Variants in CACNA1I observed in about 807,000 individuals in gnomAD.
CACNA1I encodes the protein voltage-dependent T-type calcium channel subunit alpha-1I.
In CACNA1I, 74 loss-of-function variants were observed where a neutral mutation model predicts 201.6. The observed-to-expected ratio is 0.37, with a 90% CI of 0.30 to 0.45. CACNA1I has a LOEUF of 0.45. CACNA1I is among the 20% of genes least tolerant of loss of function. The pLI, the probability that CACNA1I is intolerant of heterozygous loss-of-function variation, is 1.00. For synonymous variants in CACNA1I, 1,431 were observed against 1,345.2 expected (o/e 1.06, Z -1.40); for missense variants, 2,346 against 3,138.1 (o/e 0.75, Z 6.03).
Position 39,664,111 on chromosome 22 carries a change from G to A in CACNA1I, c.3618G>A (p.Val1206=). ...AGSTERIFLT[V]SNYIFTAIFV... ...TTCAGGAACGCATCTTTCTCACCGT[G>A]TCCAACTACATCTTCACGGCCATCT... Residue 1206 remains valine (V), a synonymous_variant, in exon 20 of 37, where the codon GTG becomes GTA. Transcript: ENST00000402142. 2 of 1,613,782 alleles carry A rather than the reference G, an allele frequency of 1.2e-6. No individual in the cohort carries two copies. The highest frequency in any genetic ancestry group is 2.7e-5 in the African/African-American group (2 of 75,054).
chr22:39,619,412 G>T lies in CACNA1I; in HGVS notation c.580+5G>T. 6.2e-7 allele frequency: 1 copy of T among 1,602,374 alleles called. No individual in the cohort carries two copies. ...AAGCCATCAACCGCGTGCCCAGTGAGTCAGCCCCGCCCTGTCCACACATTC... is the reference window on the plus strand; with the variant it reads ...AAGCCATCAACCGCGTGCCCAGTGATTCAGCCCCGCCCTGTCCACACATTC... On this transcript the variant is annotated splice_donor_5th_base_variant and intron_variant, in intron 4 of 36. Transcript: ENST00000402142.
At position 39,665,151 on chromosome 22, in the gene CACNA1I, C is replaced by T. The variant is rs1448449520; in HGVS notation, c.3851+228C>T. On this transcript the variant is annotated intron_variant, in intron 21 of 36. Coordinates refer to ENST00000402142, the MANE Select transcript of CACNA1I (RefSeq NM_021096.4). The surrounding 1 kb of genome is among the most constrained non-coding windows in gnomAD (Gnocchi z 5.5). ...GACCCCAGTATTGCTGCCCACTCTG[C>T]GTGTCCCTGAGTGGCTCGTTGCCAT... is the stretch of plus-strand genomic sequence containing the variant. Among the ~76,000 whole-genome samples, 1 of 152,130 alleles carries T rather than the reference C, an allele frequency of 6.6e-6. No individual in the cohort carries two copies. The highest frequency in any genetic ancestry group is 2.4e-5 in the African/African-American group (1 of 41,414).
rs1933990668 is a variant in CACNA1I, at chr22:39,629,455, T to A, written c.581-5110T>A. Among the ~76,000 whole-genome samples, 1 of 151,884 alleles carries A rather than the reference T, an allele frequency of 6.6e-6. No homozygotes were observed. Among genetic ancestry groups the A allele is most frequent in the East Asian group, 1.9e-4 (1 of 5,142 alleles). ...TCCAAAATACCTCCAGAATCCACCA[T>A]GTTCCCCACTCCACTGCCATCATTA... On this transcript the variant is annotated intron_variant, in intron 4 of 36. Coordinates refer to ENST00000402142, the MANE Select transcript of CACNA1I (RefSeq NM_021096.4). The surrounding 1 kb of genome is among the most constrained non-coding windows in gnomAD (Gnocchi z 4.8).
At chr22:39,621,992 G>T (rs1387735129) in intron 4 of CACNA1I, among the ~76,000 whole-genome samples, 1 of 152,222 alleles carries the variant, frequency 6.6e-6, no homozygotes, top group Non-Finnish European at 1.5e-5. Context: ...AGAGAGGGTC[G>T]TGGCTAGTCC....
In CACNA1I at chr22:39,600,515, T is replaced by A; in HGVS notation, c.349-5T>A. 1 of 1,611,086 alleles carries A rather than the reference T, an allele frequency of 6.2e-7. No homozygotes were observed. The highest frequency in any genetic ancestry group is 1.1e-5 in the South Asian group (1 of 90,434). ...TCCCTTGCTTCCCTCCTCCTGCCCC[T>A]GCAGGTCTTTGATGACTTCATCTTT... On this transcript the variant is annotated splice_region_variant and splice_polypyrimidine_tract_variant and intron_variant, in intron 2 of 36. Coordinates refer to ENST00000402142, the MANE Select transcript of CACNA1I (RefSeq NM_021096.4).
chr22:39,662,718 C>T (rs1163560297), intron 17 of CACNA1I, 58 bp from the exon 18 acceptor site: 9 of 1,267,818 alleles, frequency 7.1e-6, no homozygotes, highest in Non-Finnish European at 9.0e-6. Flanking sequence ...GCCGCATGGG[C>T]GGAGACCGGC....
Position 39,686,147 on chromosome 22 carries a change from G to T in CACNA1I, c.6414G>T (p.Pro2138=). The change falls in exon 37 of 37, where the codon CCG becomes CCT. Residue 2138 remains proline (P), a synonymous_variant. Coordinates refer to ENST00000402142, the MANE Select transcript of CACNA1I (RefSeq NM_021096.4). ...TCTCGCTCACCTCCCTCTTCTGCCC[G>T]CCGCCCCCGCCGCCAGCCCCCGGCC... is the stretch of plus-strand genomic sequence containing the variant. The part of the protein sequence containing the change: ...SSLSLTSLFC[P]PPPPPAPGLT... 2 of 1,200,112 alleles carry T rather than the reference G, an allele frequency of 1.7e-6. No individual in the cohort carries two copies. The highest frequency in any genetic ancestry group is 2.1e-6 in the Non-Finnish European group (2 of 966,560). 74.3% of individuals were successfully genotyped at this position (1,200,112 alleles called of 1,614,324 possible).
At chr22:39,642,657 C>A in intron 6 of CACNA1I, 140 bp from the exon 7 acceptor site, 1 of 641,702 alleles carries the variant, frequency 1.6e-6, no homozygotes, top group African/African-American at 1.8e-5. Flanking sequence ...TGTGCCTTGT[C>A]CAGCCCCTGT....
At chr22:39,635,172 T>A (rs1043403848) in intron 5 of CACNA1I, among the ~76,000 whole-genome samples, 1 of 152,204 alleles carries the variant, frequency 6.6e-6, no homozygotes, top group Non-Finnish European at 1.5e-5. Flanking sequence ...TGCACACACA[T>A]GTACCTGCGT....
chr22:39,670,189 G>C lies in CACNA1I; in HGVS notation c.4346G>C (p.Arg1449Pro). ...CAGGAGGCTGAAGAGGCACGGCGGC[G>C]TGAGGAGAAGCGGCTGCGGCGCCTG... ...QHQEAEEARR[R>P]EEKRLRRLEK... Residue 1449 changes from arginine (R) to proline (P), a missense_variant, in exon 25 of 37, where the codon CGT becomes CCT. By Grantham distance (103) the Arg-to-Pro change is moderately radical. Coordinates refer to ENST00000402142, the MANE Select transcript of CACNA1I (RefSeq NM_021096.4). 6.2e-7 allele frequency: 1 copy of C among 1,613,870 alleles called. No individual in the cohort carries two copies. Among genetic ancestry groups the C allele is most frequent in the South Asian group, 1.1e-5 (1 of 91,078 alleles).
intron 5 of CACNA1I, among the ~76,000 whole-genome samples, chr22:39,637,199 GGCCTCAGGATGC>G (rs1934241591): frequency 6.6e-6 from 1 of 152,156 alleles, no homozygotes; most frequent in Admixed American, 6.5e-5. Flanking sequence ...TTGAAAATTA[GGCCTCAGGATGC>G]TCTGGGCTTG....
intron 35 of CACNA1I, among the ~76,000 whole-genome samples, chr22:39,683,833 G>A (rs1268229916): frequency 2.6e-5 from 4 of 152,002 alleles, no homozygotes; most frequent in African/African-American, 4.8e-5. Flanking sequence ...GGGCTGGGAC[G>A]CCCCAACCCA....
rs1935218737 is a variant in CACNA1I, at chr22:39,666,965, G to A, written c.4104+959G>A. Among the ~76,000 whole-genome samples the A allele has an allele frequency of 6.6e-6, 1 of 152,210 alleles. No homozygotes were observed. Among genetic ancestry groups the A allele is most frequent in the Non-Finnish European group, 1.5e-5 (1 of 68,030 alleles). ...CTGACCCCCTTCACCTATGGGCCCC[G>A]CCCCAGTGCCAGCTCCGCCCCTTTG... On this transcript the variant is annotated intron_variant, in intron 23 of 36. Transcript: ENST00000402142. This position sits in a 1 kb window ranked among gnomAD's most constrained non-coding sequence, Gnocchi z 4.1.
chr22:39,602,988 C>CA (rs1293329164), intron 3 of CACNA1I, among the ~76,000 whole-genome samples: 1 of 151,842 alleles, frequency 6.6e-6, no homozygotes, highest in Non-Finnish European at 1.5e-5. Flanking sequence ...CCCATCTCTA[C>CA]AAAAAATAAA....
In CACNA1I at chr22:39,682,549, C is replaced by T. The variant is rs762849541; in HGVS notation, c.5718C>T (p.Phe1906=). 32 of 1,613,684 alleles carry T rather than the reference C, an allele frequency of 2.0e-5. No homozygotes were observed. Among genetic ancestry groups the T allele is most frequent in the Non-Finnish European group, 2.6e-5 (31 of 1,179,860 alleles). The change falls in exon 35 of 37, where the codon TTC becomes TTT. Residue 1906 remains phenylalanine (F), a synonymous_variant. Coordinates refer to ENST00000402142, the MANE Select transcript of CACNA1I (RefSeq NM_021096.4). ...PMRVGDLGEC[F]FPLSSTAVSP... is the part of the protein sequence containing the mutation. ...GTGTGGGAGACCTGGGCGAATGCTT[C>T]TTCCCCTTGTCCTCTACGGCCGTCT...
chr22:39,571,653 T>A (rs1841782905), intron 1 of CACNA1I, among the ~76,000 whole-genome samples: 1 of 152,108 alleles, frequency 6.6e-6, no homozygotes. Context: ...CACTGGCTCT[T>A]CCCCCTGTCT....
rs903908962 is a variant in CACNA1I, at chr22:39,662,932, G to A, written c.3473+56G>A. 9.3e-6 allele frequency: 11 copies of A among 1,178,350 alleles called. No homozygotes were observed. The African/African-American group carries it at 1.7e-4, about 18-fold the overall frequency. 73.0% of individuals were successfully genotyped at this position (1,178,350 alleles called of 1,614,324 possible). ...AGAGTAGGGGTAACGTGGGAGGGAC[G>A]GATCTCTGCCAAGCCAGGCAAGGCC... On this transcript the variant is annotated intron_variant, in intron 18 of 36. Transcript: ENST00000402142.
chr22:39,680,686 G>T (rs935532793), intron 33 of CACNA1I, among the ~76,000 whole-genome samples: 1 of 152,220 alleles, frequency 6.6e-6, no homozygotes, highest in Non-Finnish European at 1.5e-5. Context: ...CTCAGGTCCA[G>T]GTAGCAAGAT....
chr22:39,611,472 TC>T (rs1442878497), intron 3 of CACNA1I, among the ~76,000 whole-genome samples: 1 of 151,714 alleles, frequency 6.6e-6, no homozygotes, highest in Non-Finnish European at 1.5e-5. Context: ...GTGAGGTGAG[TC>T]CCCTGAGAGG....
Sources: allele counts gnomAD v4.1 joint callset (sites outside exome capture counted in the v4.1 genomes callset), GRCh38; gene constraint gnomAD v4.1.1; non-coding constraint Gnocchi (gnomAD v3.1); transcripts MANE v1.5; gene names NCBI Gene and HGNC (gene_info 2026-07-23, HGNC 2026-07-21).